Variants in SETD5 observed in about 807,000 individuals in gnomAD.
SETD5 encodes SET domain containing 5, also known as histone-lysine N-methyltransferase SETD5.
In SETD5, 44 loss-of-function variants were observed where a neutral mutation model predicts 153.3. The observed-to-expected ratio is 0.29, with a 90% CI of 0.23 to 0.37. SETD5 has a LOEUF of 0.37. Among genes scored for constraint, SETD5 ranks in the 10% least tolerant of loss-of-function variants. The probability of loss-of-function intolerance (pLI) is 1.00; values close to 1 mark genes in which losing one functional copy is unlikely to be tolerated. For synonymous variants in SETD5, 716 were observed against 645.2 expected, an observed-to-expected ratio of 1.11 and a Z score of -1.66; for missense variants, 1,544 against 1,768.0, an observed-to-expected ratio of 0.87 and a Z score of 2.27.
intron 1 of SETD5, among the ~76,000 whole-genome samples, chr3:9,406,781 G>T (rs999935836): frequency 3.3e-5 from 5 of 152,160 alleles, no homozygotes; most frequent in Non-Finnish European, 7.3e-5. Context: ...ACATGTCCCT[G>T]CACATTTTAG....
intron 18 of SETD5, among the ~76,000 whole-genome samples, chr3:9,468,268 C>G (rs2044859814): frequency 6.6e-6 from 1 of 152,052 alleles, no homozygotes; most frequent in African/African-American, 2.4e-5. Flanking sequence ...GAGATGTTTA[C>G]TTACAGCATG....
chr3:9,407,117 C>T (rs2035821915), intron 1 of SETD5, among the ~76,000 whole-genome samples: 1 of 152,158 alleles, frequency 6.6e-6, no homozygotes, highest in East Asian at 1.9e-4. Context: ...CACCTTAGGT[C>T]AGGTGTTTGA....
At position 9,440,604 on chromosome 3, in the gene SETD5, C is replaced by A. The variant is rs375003888; in HGVS notation, c.716C>A (p.Ser239Tyr). 6.2e-7 allele frequency: 1 copy of A among 1,613,918 alleles called. No individual in the cohort carries two copies. The highest frequency in any genetic ancestry group is 8.5e-7 in the Non-Finnish European group (1 of 1,179,852). Residue 239 changes from serine (S) to tyrosine (Y), a missense_variant, in exon 8 of 23, where the codon TCT becomes TAT. By Grantham distance (144) the Ser-to-Tyr change is moderately radical (BLOSUM62 -2). Coordinates refer to ENST00000402198, the MANE Select transcript of SETD5 (RefSeq NM_001080517.3). ...VQNALEQHLH[S>Y]SKEFVGKPTI... is the part of the protein sequence containing the mutation. ...AACGCGCTTGAACAACACCTACATTCTAGCAAGGAATTTGTGGGCAAACCT... is the reference window on the plus strand; with the variant it reads ...AACGCGCTTGAACAACACCTACATTATAGCAAGGAATTTGTGGGCAAACCT...
chr3:9,436,204 C>T (rs2040548856), intron 7 of SETD5, among the ~76,000 whole-genome samples: 1 of 152,192 alleles, frequency 6.6e-6, no homozygotes, highest in Non-Finnish European at 1.5e-5. Flanking sequence ...TCTAGGCTTC[C>T]ACTATCCTTA....
At chr3:9,468,693 C>A in intron 18 of SETD5, 2 of 860,828 alleles carry the variant, frequency 2.3e-6, no homozygotes. Context: ...GGCTGGAGGG[C>A]GGCCACTCAG....
Position 9,447,182 on chromosome 3 carries a change from C to T in SETD5, c.1657C>T (p.Pro553Ser), listed in dbSNP as rs748461601. 14 of 1,613,884 alleles carry T rather than the reference C, an allele frequency of 8.7e-6. No individual in the cohort carries two copies. The East Asian group carries it at 1.3e-4, about 15-fold the overall frequency. ...VEITTTTSET[P>S]VGEETKTEAP... ...GATTACTACAACCACCTCAGAGACT[C>T]CTGTTGGTGAAGAGACAAAAACTGA... Residue 553 changes from proline to serine, a missense_variant, in exon 14 of 23, where the codon CCT becomes TCT. Physicochemically the swap from Pro to Ser is moderately conservative, Grantham distance 74. Around this residue, in one of 9 missense-constraint regions of SETD5, gnomAD observed 782 missense variants for 787.2 expected, o/e 0.99. Coordinates refer to ENST00000402198, the MANE Select transcript of SETD5 (RefSeq NM_001080517.3).
At position 9,447,798 on chromosome 3, in the gene SETD5, G is replaced by A. The variant is rs772791035; in HGVS notation, c.1895G>A (p.Arg632His). ...ACCAGTTCAGCCCAAAGACTAAAGC[G>A]TCAGAAGCAGGCCAATGCACAGCAG... ...YRTSSAQRLK[R>H]QKQANAQQAE... The change falls in exon 15 of 23, where the codon CGT becomes CAT. Residue 632 changes from arginine to histidine, a missense_variant. By Grantham distance (29) the Arg-to-His change is conservative. Coordinates refer to ENST00000402198, the MANE Select transcript of SETD5 (RefSeq NM_001080517.3). 8.7e-6 allele frequency: 14 copies of A among 1,613,980 alleles called. No individual in the cohort carries two copies. Among genetic ancestry groups the A allele is most frequent in the Non-Finnish European group, 1.0e-5 (12 of 1,179,880 alleles).
In SETD5 at chr3:9,464,619, C is replaced by G; in HGVS notation, c.2671C>G (p.Pro891Ala). ...CRNGYSLMFS[P>A]VTSLTTASRC... ...AAATGGATACAGCCTCATGTTTTCA[C>G]CAGTCACATCTCTTACTACTGCTAG... The change falls in exon 18 of 23, where the codon CCA becomes GCA. Residue 891 changes from proline to alanine, a missense_variant. Physicochemically the swap from Pro to Ala is conservative, Grantham distance 27 (BLOSUM62 -1). This residue lies in a region of SETD5 where 782 missense variants were observed against 787.2 expected (regional missense o/e 0.99). Transcript: ENST00000402198. 1 of 1,613,994 alleles carries G rather than the reference C, an allele frequency of 6.2e-7. No individual in the cohort carries two copies.
intron 16 of SETD5, among the ~76,000 whole-genome samples, chr3:9,450,912 AAGAAG>A (rs1266241630): frequency 3.3e-5 from 5 of 152,224 alleles, no homozygotes; most frequent in East Asian, 1.9e-4. Flanking sequence ...AACTTCTGAA[AAGAAG>A]AGGAGTTCAG....
At position 9,445,639 on chromosome 3, in the gene SETD5, A is replaced by G; in HGVS notation, c.1441-18A>G. On this transcript the variant is annotated intron_variant, in intron 12 of 22. Transcript: ENST00000402198. The stretch of plus-strand genomic sequence containing the variant: ...TCTCAGAGCTTGAGTACAGCTGAAT[A>G]TTGCCTCTATCTTAAAGGAAGTAGA... 2.5e-6 allele frequency: 4 copies of G among 1,603,010 alleles called. No homozygotes were observed. The highest frequency in any genetic ancestry group is 3.4e-6 in the Non-Finnish European group (4 of 1,170,480).
At chr3:9,408,811 G>A (rs2036116753) in intron 1 of SETD5, among the ~76,000 whole-genome samples, 2 of 152,094 alleles carry the variant, frequency 1.3e-5, no homozygotes, top group Admixed American at 6.5e-5. Context: ...TTTTGTTTGT[G>A]TGAATTATGT....
chr3:9,470,778 A>G lies in SETD5; in HGVS notation c.3044A>G (p.Asp1015Gly). 6.2e-7 allele frequency: 1 copy of G among 1,613,938 alleles called. No individual in the cohort carries two copies. The highest frequency in any genetic ancestry group is 1.3e-5 in the African/African-American group (1 of 75,050). The change falls in exon 19 of 23, where the codon GAT (aspartate) becomes GGT (glycine). Residue 1015 changes from aspartate to glycine, a missense_variant. Physicochemically the swap from Asp to Gly is moderately conservative, Grantham distance 94 (BLOSUM62 -1). Around this residue, in one of 9 missense-constraint regions of SETD5, gnomAD observed 782 missense variants for 787.2 expected, o/e 0.99. Coordinates refer to ENST00000402198, the MANE Select transcript of SETD5 (RefSeq NM_001080517.3). ...LVGDRKPLHL[D>G]GGYCSPAEGF... is the part of the protein sequence containing the mutation. ...GGGGATAGGAAGCCTTTACATTTGG[A>G]TGGGGGATATTGTTCCCCTGCAGAA...
In SETD5 at chr3:9,440,513, C is replaced by G; in HGVS notation, c.625C>G (p.Arg209Gly). ...GAATACAACTGAGGGCTGGGAAAAT[C>G]GGATAAGACTATGGACTGACCAGTA... ...DENTTEGWEN[R>G]IRLWTDQYEE... The change falls in exon 8 of 23, where the codon CGG (arginine) becomes GGG (glycine). Residue 209 changes from arginine (R) to glycine (G), a missense_variant. By Grantham distance (125) the Arg-to-Gly change is moderately radical. This residue lies in a region of SETD5 where 251 missense variants were observed against 326.9 expected (regional missense o/e 0.77). Coordinates refer to ENST00000402198, the MANE Select transcript of SETD5 (RefSeq NM_001080517.3). 1.9e-6 allele frequency: 3 copies of G among 1,612,320 alleles called. No individual in the cohort carries two copies. Among genetic ancestry groups the G allele is most frequent in the Non-Finnish European group, 2.5e-6 (3 of 1,178,428 alleles).
intron 18 of SETD5, among the ~76,000 whole-genome samples, chr3:9,465,869 G>A (rs1189875190): frequency 1.3e-5 from 2 of 152,162 alleles, no homozygotes; most frequent in African/African-American, 4.8e-5. Context: ...AATTGACTTT[G>A]CAGTTTGCAC....
Position 9,398,979 on chromosome 3 carries a change from A to G in SETD5, c.-177+1002A>G, listed in dbSNP as rs1476558857. On this transcript the variant is annotated intron_variant, in intron 1 of 22. Coordinates refer to ENST00000402198, the MANE Select transcript of SETD5 (RefSeq NM_001080517.3). ...TCTGCTTTCTCATGTTACTTGTGCA[A>G]TGTATTCACCGGTAACTCATTTCTT... is the stretch of plus-strand genomic sequence containing the variant. Among the ~76,000 whole-genome samples, 9 of 152,236 alleles carry G rather than the reference A, an allele frequency of 5.9e-5. No homozygotes were observed. In the South Asian group the frequency reaches 1.5e-3, roughly 25 times the overall value.
chr3:9,412,847 T>G (rs543539022), intron 1 of SETD5, among the ~76,000 whole-genome samples: 44 of 151,638 alleles, frequency 2.9e-4, no homozygotes, highest in African/African-American at 1.0e-3. Flanking sequence ...TATTAGTTGG[T>G]CATTGTCGAT....
intron 1 of SETD5, among the ~76,000 whole-genome samples, chr3:9,408,872 A>G (rs1338746368): frequency 6.6e-6 from 1 of 152,156 alleles, no homozygotes; most frequent in Non-Finnish European, 1.5e-5. Flanking sequence ...TAAGTTATTT[A>G]TTAATATTAA....
At chr3:9,469,721 T>C (rs1210892077) in intron 18 of SETD5, among the ~76,000 whole-genome samples, 1 of 152,200 alleles carries the variant, frequency 6.6e-6, no homozygotes, top group Non-Finnish European at 1.5e-5. Flanking sequence ...AGTTTGGAGG[T>C]TATGATAACC....
chr3:9,446,933 TC>T (rs2042089842), intron 13 of SETD5, 116 bp from the exon 14 acceptor site: 1 of 668,050 alleles, frequency 1.5e-6, no homozygotes, highest in East Asian at 2.8e-5. Context: ...GTTATATGTG[TC>T]ATCTTACTGG....
Sources: gnomAD v4.1 joint callset for allele counts (sites outside exome capture counted in the v4.1 genomes callset) on GRCh38, gnomAD v4.1.1 for gene constraint, gnomAD v4.1.1 regional missense constraint, MANE v1.5 for transcripts, NCBI Gene and HGNC (gene_info 2026-07-23, HGNC 2026-07-21) for gene names.